Variants in BABAM2 observed in about 807,000 individuals in gnomAD.
BABAM2 encodes BRISC and BRCA1 A complex member 2, also known as BRISC and BRCA1-A complex member 2.
Under a neutral mutation model 54.7 loss-of-function variants are expected in BABAM2, and 31 were observed. The observed-to-expected ratio is 0.57, with a 90% confidence interval of 0.43 to 0.77. The LOEUF is 0.77. BABAM2 is among the 30% of genes least tolerant of loss of function. BABAM2 has a pLI of 0.00. For missense variants in BABAM2, 364 were observed against 455.8 expected (o/e 0.80, Z 1.83); for synonymous variants, 167 against 162.9 (o/e 1.03, Z -0.19).
rs997985718 is a variant in BABAM2, at chr2:27,943,274, T to A, written c.205+13366T>A. On this transcript the variant is annotated intron_variant, in intron 3 of 11. Coordinates refer to ENST00000379624, the MANE Select transcript of BABAM2 (RefSeq NM_199191.3). Reference sequence around the variant, plus strand: ...TGCTTCCACTTCCCCTTCAGTATTTTAGTGGACTGAATCTCTCAGCCTGGC... The same window carrying A: ...TGCTTCCACTTCCCCTTCAGTATTTAAGTGGACTGAATCTCTCAGCCTGGC... Among the ~76,000 whole-genome samples, 8 of 152,316 alleles carry A rather than the reference T, an allele frequency of 5.3e-5. 1 individual carries two copies. Among genetic ancestry groups the A allele is most frequent in the Admixed American group, 6.5e-5 (1 of 15,306 alleles).
chr2:28,054,170 A>T (rs1234134795), intron 6 of BABAM2, among the ~76,000 whole-genome samples: 1 of 152,052 alleles, frequency 6.6e-6, no homozygotes, highest in Non-Finnish European at 1.5e-5. Flanking sequence ...CTTCACAAAG[A>T]CACCTGGTGC....
At chr2:28,295,294 G>C (rs1045067921) in intron 10 of BABAM2, among the ~76,000 whole-genome samples, 11 of 152,146 alleles carry the variant, frequency 7.2e-5, no homozygotes, top group African/African-American at 2.4e-4. Context: ...CATTGCTTTG[G>C]ATACTGAGTG....
At chr2:28,119,422 T>A (rs1668876858) in intron 6 of BABAM2, among the ~76,000 whole-genome samples, 1 of 152,162 alleles carries the variant, frequency 6.6e-6, no homozygotes, top group Non-Finnish European at 1.5e-5. Context: ...GAGTAGGGGC[T>A]CCATTTCACA....
intron 6 of BABAM2, among the ~76,000 whole-genome samples, chr2:28,077,078 GC>G: frequency 6.6e-6 from 1 of 152,172 alleles, no homozygotes; most frequent in East Asian, 1.9e-4. Flanking sequence ...GGCCTTTTCA[GC>G]CTTTAGGTTT....
At chr2:27,949,874 T>C (rs923876419) in intron 3 of BABAM2, among the ~76,000 whole-genome samples, 1 of 152,212 alleles carries the variant, frequency 6.6e-6, no homozygotes, top group African/African-American at 2.4e-5. Flanking sequence ...TTTGTTTTCA[T>C]TGTGCTGTTT....
chr2:28,090,019 G>A (rs1036458071), intron 6 of BABAM2, among the ~76,000 whole-genome samples: 1 of 152,056 alleles, frequency 6.6e-6, no homozygotes, highest in Admixed American at 6.6e-5. Context: ...CCTCAGACAA[G>A]TTAGCAGAGC....
chr2:28,288,486 A>T (rs903267263), intron 10 of BABAM2, among the ~76,000 whole-genome samples: 41 of 151,776 alleles, frequency 2.7e-4, no homozygotes, highest in African/African-American at 9.0e-4. Context: ...CCACCAAGCC[A>T]GGCTAATTTT....
intron 1 of BABAM2, among the ~76,000 whole-genome samples, chr2:27,892,917 ATACT>A (rs1213040291): frequency 6.6e-6 from 1 of 152,214 alleles, no homozygotes; most frequent in Non-Finnish European, 1.5e-5. Flanking sequence ...AATCTCGAAG[ATACT>A]TCTGGTTGTC....
intron 2 of BABAM2, among the ~76,000 whole-genome samples, chr2:27,900,854 T>A (rs961804422): frequency 6.6e-6 from 1 of 151,992 alleles, no homozygotes; most frequent in Admixed American, 6.6e-5. Flanking sequence ...TCATCCTGGC[T>A]AACACGGTGA....
chr2:28,146,964 G>A (rs548728338), intron 7 of BABAM2, among the ~76,000 whole-genome samples: 2 of 152,344 alleles, frequency 1.3e-5, no homozygotes, highest in African/African-American at 4.8e-5. Flanking sequence ...GCAGAAGAGA[G>A]TAGGGTCTGG....
intron 6 of BABAM2, among the ~76,000 whole-genome samples, chr2:28,083,517 T>C (rs1353151430): frequency 6.6e-6 from 1 of 152,206 alleles, no homozygotes; most frequent in Non-Finnish European, 1.5e-5. Flanking sequence ...CTTCAGCACA[T>C]TTGTTTTAAT....
At chr2:28,126,966 C>T (rs1240877643) in intron 6 of BABAM2, among the ~76,000 whole-genome samples, 3 of 150,398 alleles carry the variant, frequency 2.0e-5, no homozygotes, top group African/African-American at 4.9e-5. Flanking sequence ...TGTTCATGTC[C>T]TTCGCCCACT....
At chr2:27,910,495 G>T (rs1194066789) in intron 2 of BABAM2, among the ~76,000 whole-genome samples, 1 of 152,134 alleles carries the variant, frequency 6.6e-6, no homozygotes, top group Non-Finnish European at 1.5e-5. Flanking sequence ...TTCACAAGCT[G>T]AACAGACTTG....
chr2:28,267,300 C>T (rs992318678), intron 10 of BABAM2, among the ~76,000 whole-genome samples: 1 of 152,122 alleles, frequency 6.6e-6, no homozygotes, highest in African/African-American at 2.4e-5. Context: ...AATCAAGAGG[C>T]AGAACAACTC....
chr2:28,182,475 C>A (rs951073681), intron 7 of BABAM2, among the ~76,000 whole-genome samples: 2 of 152,152 alleles, frequency 1.3e-5, no homozygotes, highest in African/African-American at 4.8e-5. Flanking sequence ...AGGGTACCTC[C>A]ACTCCCCATA....
chr2:28,282,593 A>C (rs1047833958), intron 10 of BABAM2, among the ~76,000 whole-genome samples: 2 of 152,176 alleles, frequency 1.3e-5, no homozygotes, highest in Non-Finnish European at 1.5e-5. Context: ...GCTTGCCCAA[A>C]GCCAGGCTTA....
intron 11 of BABAM2, among the ~76,000 whole-genome samples, chr2:28,312,229 G>C (rs1689150569): frequency 6.6e-6 from 1 of 152,202 alleles, no homozygotes; most frequent in African/African-American, 2.4e-5. Flanking sequence ...CAGAGGCCTT[G>C]CTTCTGCAGA....
chr2:28,078,396 G>A (rs1039532809), intron 6 of BABAM2, among the ~76,000 whole-genome samples: 3 of 151,982 alleles, frequency 2.0e-5, no homozygotes, highest in Admixed American at 6.6e-5. Context: ...CACACAAGCC[G>A]TAAAGTGCTT....
At chr2:28,131,759 A>T (rs1340281696) in intron 7 of BABAM2, among the ~76,000 whole-genome samples, 1 of 152,150 alleles carries the variant, frequency 6.6e-6, no homozygotes, top group East Asian at 1.9e-4. Context: ...GCAGAAAAGG[A>T]GAGGATGGGT....
Sources: allele counts gnomAD v4.1 joint callset (sites outside exome capture counted in the v4.1 genomes callset), GRCh38; gene constraint gnomAD v4.1.1; transcripts MANE v1.5; gene names NCBI Gene and HGNC (gene_info 2026-07-23, HGNC 2026-07-21).